PDZD2: variants seen among roughly 807,000 people sequenced by gnomAD.
PDZD2 encodes the protein PDZ domain-containing protein 2.
In PDZD2, 90 loss-of-function variants were observed where a neutral mutation model predicts 220.7. The observed-to-expected ratio is 0.41, with a 90% CI of 0.34 to 0.49. PDZD2 has a LOEUF of 0.49. Among genes scored for constraint, PDZD2 ranks in the 20% least tolerant of loss-of-function variants. PDZD2 has a pLI of 0.28. For missense variants in PDZD2, 3,174 were observed against 3,608.5 expected (o/e 0.88, Z 3.08); for synonymous variants, 1,375 against 1,450.5 (o/e 0.95, Z 1.18).
chr5:31,872,344 A>G (rs1283633531), intron 2 of PDZD2, among the ~76,000 whole-genome samples: 1 of 152,170 alleles, frequency 6.6e-6, no homozygotes, highest in Non-Finnish European at 1.5e-5. Context: ...GGAAGGACAC[A>G]GGTCACTTCT....
intron 6 of PDZD2, among the ~76,000 whole-genome samples, chr5:32,011,691 T>C (rs1753334564): frequency 6.6e-6 from 1 of 152,074 alleles, no homozygotes; most frequent in Admixed American, 6.6e-5. Flanking sequence ...GCAGCATAGG[T>C]AAGCACTGGA....
At chr5:31,952,865 G>A (rs1747303757) in intron 2 of PDZD2, among the ~76,000 whole-genome samples, 1 of 152,094 alleles carries the variant, frequency 6.6e-6, no homozygotes, top group African/African-American at 2.4e-5. Flanking sequence ...TTAGAGACCA[G>A]CCTGGCCAAC....
intron 1 of PDZD2, among the ~76,000 whole-genome samples, chr5:31,673,273 C>G (rs1045918438): frequency 6.6e-6 from 1 of 152,204 alleles, no homozygotes; most frequent in African/African-American, 2.4e-5. Context: ...GTACTCTGCA[C>G]AATACAGAGT....
chr5:32,011,836 T>TGCCCTA (rs1358783542), intron 6 of PDZD2, among the ~76,000 whole-genome samples: 3 of 152,314 alleles, frequency 2.0e-5, no homozygotes, highest in Admixed American at 6.5e-5. Context: ...CTACCAAGCA[T>TGCCCTA]GGTTGTGCAG....
At chr5:31,671,010 G>A (rs900826828) in intron 1 of PDZD2, among the ~76,000 whole-genome samples, 18 of 152,036 alleles carry the variant, frequency 1.2e-4, no homozygotes, top group South Asian at 4.2e-4. Flanking sequence ...TTGGGGGCAC[G>A]ATTCCTTGGT....
chr5:31,989,421 C>CTT (rs869045113), intron 3 of PDZD2, among the ~76,000 whole-genome samples: 59 of 119,888 alleles, frequency 4.9e-4, no homozygotes, highest in South Asian at 8.5e-4. Flanking sequence ...ATTTTCTTTT[C>CTT]TTTTTTTTTT....
chr5:32,010,394 T>C lies in PDZD2; in HGVS notation c.1319T>C (p.Val440Ala), dbSNP rs1167229658. ...SKSLPDLTSS[V>A]EDVSSWTDNE... Reference sequence around the variant, plus strand: ...AGCTTGCCAGATCTGACCAGCTCGGTAGAAGATGTGTCCTCCTGGACTGAT... The same window carrying C: ...AGCTTGCCAGATCTGACCAGCTCGGCAGAAGATGTGTCCTCCTGGACTGAT... Residue 440 changes from valine to alanine, a missense_variant, in exon 6 of 25, where the codon GTA becomes GCA. This residue lies in a region of PDZD2 where 632 missense variants were observed against 708.1 expected (regional missense o/e 0.89). Coordinates refer to ENST00000438447, the MANE Select transcript of PDZD2 (RefSeq NM_178140.4). 1.2e-6 allele frequency: 2 copies of C among 1,611,452 alleles called. No individual in the cohort carries two copies.
rs201595332 is a variant in PDZD2, at chr5:31,926,221, T to TA, written c.477-56919dup. Among the ~76,000 whole-genome samples, 875 of 143,742 alleles carry TA rather than the reference T, an allele frequency of 6.1e-3. 10 individuals carry two copies. Among genetic ancestry groups the TA allele is most frequent in the African/African-American group, 0.02 (776 of 38,956 alleles). The allele number at this position is 143,742 out of a possible 152,430, so 94.3% of individuals were successfully genotyped here. On this transcript the variant is annotated intron_variant, in intron 2 of 24. Transcript: ENST00000438447. ...GGCAACGGAGCAAGACCCTGTCACT[T>TA]AAAAAAAAAAAAAAATTAAAAGCCA...
At chr5:31,900,533 C>G (rs1741997465) in intron 2 of PDZD2, among the ~76,000 whole-genome samples, 1 of 152,106 alleles carries the variant, frequency 6.6e-6, no homozygotes, top group South Asian at 2.1e-4. Context: ...GTCAAAGGCT[C>G]CTGCAGGATC....
In PDZD2 at chr5:32,057,660, G is replaced by A; in HGVS notation, c.1906G>A (p.Glu636Lys). Reference protein sequence around the residue: ...AEDGRLKEGDEILDVNGIPIK... With the variant: ...AEDGRLKEGDKILDVNGIPIK... ...TTCTCACATTTGATCACTAGGGGAT[G>A]AAATCCTAGATGTAAATGGAATACC... The change falls in exon 11 of 25, where the codon GAA becomes AAA. Residue 636 changes from glutamate to lysine, a missense_variant. Coordinates refer to ENST00000438447, the MANE Select transcript of PDZD2 (RefSeq NM_178140.4). The A allele has an allele frequency of 6.4e-7, 1 of 1,568,310 alleles. No homozygotes were observed. The highest frequency in any genetic ancestry group is 8.8e-7 in the Non-Finnish European group (1 of 1,141,836).
rs2111871805 is a variant in PDZD2, at chr5:31,983,260, C to T, written c.582C>T (p.Ser194=). ...HSTYNGNSSN[S]SEPGETPTLE... ...CTTATAATGGCAACAGTAGCAACAG[C>T]TCTGAACCAGGAGAAACACCTACCT... Residue 194 remains serine, a synonymous_variant, in exon 3 of 25, where the codon AGC becomes AGT. Coordinates refer to ENST00000438447, the MANE Select transcript of PDZD2 (RefSeq NM_178140.4). The T allele has an allele frequency of 6.2e-7, 1 of 1,614,216 alleles. No homozygotes were observed. Among genetic ancestry groups the T allele is most frequent in the East Asian group, 2.2e-5 (1 of 44,886 alleles).
chr5:31,939,492 T>G (rs1343661220), intron 2 of PDZD2, among the ~76,000 whole-genome samples: 1 of 152,212 alleles, frequency 6.6e-6, no homozygotes, highest in African/African-American at 2.4e-5. Flanking sequence ...GGTGAAGGGT[T>G]GGCTTTGGGT....
chr5:31,669,344 G>A (rs1746122014), intron 1 of PDZD2, among the ~76,000 whole-genome samples: 1 of 149,624 alleles, frequency 6.7e-6, no homozygotes, highest in Non-Finnish European at 1.5e-5. Context: ...TGAGGCTGCA[G>A]TGAGCTATGA....
chr5:31,880,824 G>C (rs751035239), intron 2 of PDZD2, among the ~76,000 whole-genome samples: 6 of 32,252 alleles, frequency 1.9e-4, no homozygotes, highest in Non-Finnish European at 3.6e-4. Context: ...TTTTTGAGAT[G>C]AAGTCTCGCT....
intron 2 of PDZD2, among the ~76,000 whole-genome samples, chr5:31,981,088 G>A (rs893602748): frequency 1.3e-5 from 2 of 152,100 alleles, no homozygotes; most frequent in Non-Finnish European, 2.9e-5. Flanking sequence ...ACCTGGCCTA[G>A]TGGATGGTCT....
chr5:31,784,976 A>T (rs1223223591), intron 1 of PDZD2, among the ~76,000 whole-genome samples: 2 of 151,880 alleles, frequency 1.3e-5, no homozygotes, highest in Non-Finnish European at 2.9e-5. Context: ...TAAGTAGACA[A>T]TTTCCTTTGC....
chr5:32,087,337 G>GC lies in PDZD2; in HGVS notation c.3890dup (p.Ala1298GlyfsTer4). On this transcript the variant is annotated frameshift_variant, in exon 20 of 25. Coordinates refer to ENST00000438447, the MANE Select transcript of PDZD2 (RefSeq NM_178140.4). LOFTEE classifies it high-confidence loss of function. The surrounding 1 kb of genome is among the most constrained non-coding windows in gnomAD (Gnocchi z 4.0). ...CAGCCCCTCCCCGGGGGAGAAAGCA[G>GC]CGGCTCCCCCTGACTACAGCAAGAC... The GC allele has an allele frequency of 6.2e-7, 1 of 1,614,116 alleles. No individual in the cohort carries two copies. The highest frequency in any genetic ancestry group is 8.5e-7 in the Non-Finnish European group (1 of 1,179,966).
chr5:31,739,592 T>C (rs921151375), intron 1 of PDZD2, among the ~76,000 whole-genome samples: 5 of 152,202 alleles, frequency 3.3e-5, no homozygotes, highest in South Asian at 2.1e-4. Context: ...AGATAAACTT[T>C]ATTTCCCAAC....
chr5:31,739,557 G>A (rs1750125687), intron 1 of PDZD2, among the ~76,000 whole-genome samples: 1 of 152,060 alleles, frequency 6.6e-6, no homozygotes, highest in Non-Finnish European at 1.5e-5. Flanking sequence ...GCAGAAAATG[G>A]GATTAAAAGA....
Sources: gnomAD v4.1 joint callset for allele counts (sites outside exome capture counted in the v4.1 genomes callset) on GRCh38, gnomAD v4.1.1 for gene constraint, gnomAD v4.1.1 regional missense constraint, Gnocchi (gnomAD v3.1) non-coding constraint, MANE v1.5 for transcripts, NCBI Gene and HGNC (gene_info 2026-07-23, HGNC 2026-07-21) for gene names.